Variants in MB21D2 observed in about 807,000 individuals in gnomAD.
The protein encoded by MB21D2 is Mab-21 domain containing 2.
MB21D2 carries 9 observed loss-of-function variants against 33.3 expected under a neutral mutation model. The ratio of observed to expected loss-of-function variants is 0.27; its 90% CI spans 0.16 to 0.47. The LOEUF (loss-of-function observed/expected upper bound fraction) is 0.47. MB21D2 is among the 20% of genes least tolerant of loss of function. MB21D2 has a pLI of 0.99. For synonymous variants in MB21D2, 241 were observed against 236.3 expected (o/e 1.02, Z -0.18); for missense variants, 540 against 624.6 (o/e 0.86, Z 1.44).
chr3:192,847,810 A>T (rs1712706767), intron 1 of MB21D2, among the ~76,000 whole-genome samples: 1 of 152,246 alleles, frequency 6.6e-6, no homozygotes. Context: ...TTTGGACATG[A>T]TCTGAAAAAC....
chr3:192,814,875 A>AC (rs932016060), intron 1 of MB21D2, among the ~76,000 whole-genome samples: 1 of 151,064 alleles, frequency 6.6e-6, no homozygotes, highest in Non-Finnish European at 1.5e-5. Flanking sequence ...AAAAAAAAAA[A>AC]AAAAATTCTT....
intron 1 of MB21D2, among the ~76,000 whole-genome samples, chr3:192,901,546 C>T (rs1714102508): frequency 9.3e-6 from 1 of 107,798 alleles, no homozygotes; most frequent in Admixed American, 9.6e-5. Context: ...AGTTATTTCA[C>T]CCCAACAACA....
chr3:192,915,984 A>G (rs918620803), intron 1 of MB21D2, among the ~76,000 whole-genome samples: 2 of 152,004 alleles, frequency 1.3e-5, no homozygotes, highest in Non-Finnish European at 1.5e-5. Context: ...AAACAACTTA[A>G]GTAACTGCGC....
chr3:192,890,078 A>G (rs1187628574), intron 1 of MB21D2, among the ~76,000 whole-genome samples: 1 of 152,122 alleles, frequency 6.6e-6, no homozygotes, highest in Admixed American at 6.5e-5. Context: ...TTCCCAGAAT[A>G]ACAGAAACAA....
chr3:192,801,594 C>T (rs187017142), intron 1 of MB21D2, among the ~76,000 whole-genome samples: 80 of 152,242 alleles, frequency 5.3e-4, no homozygotes, highest in Non-Finnish European at 7.5e-4. Flanking sequence ...AACCTCAGAG[C>T]GCTTCTTTAC....
intron 1 of MB21D2, among the ~76,000 whole-genome samples, chr3:192,853,191 C>T (rs1007851357): frequency 3.9e-5 from 6 of 152,162 alleles, no homozygotes; most frequent in South Asian, 2.1e-4. Context: ...GTCTTTGAGA[C>T]CAACCACACC....
At chr3:192,836,252 G>A (rs1712436399) in intron 1 of MB21D2, among the ~76,000 whole-genome samples, 1 of 152,054 alleles carries the variant, frequency 6.6e-6, no homozygotes, top group Non-Finnish European at 1.5e-5. Context: ...ATGTCTTTAG[G>A]GAGTTCACTC....
At chr3:192,824,345 A>T (rs1712122439) in intron 1 of MB21D2, among the ~76,000 whole-genome samples, 1 of 152,250 alleles carries the variant, frequency 6.6e-6, no homozygotes, top group South Asian at 2.1e-4. Context: ...GGAAAGTTTA[A>T]AGTTGGAGTT....
rs1411276147 is a variant in MB21D2 at position 192,838,524 on chromosome 3, G to T, written c.212-38874C>A. On this transcript the variant is annotated intron_variant, in intron 1 of 1. Transcript: ENST00000392452. ...GCTCACTGCAAACTCCGCCTCCCGG[G>T]TTCACACCATTCTCCTGCCTCGGCC... is the stretch of plus-strand genomic sequence containing the variant. Among the ~76,000 whole-genome samples, 3 of 151,478 alleles carry T rather than the reference G, an allele frequency of 2.0e-5. No homozygotes were observed. The South Asian group carries it at 6.3e-4, about 32-fold the overall frequency.
intron 1 of MB21D2, among the ~76,000 whole-genome samples, chr3:192,868,435 G>A (rs933407886): frequency 2.6e-5 from 4 of 152,130 alleles, no homozygotes; most frequent in African/African-American, 9.7e-5. Flanking sequence ...TGACTCCTTT[G>A]ATCAAGTCAC....
Position 192,886,505 on chromosome 3 carries a change from T to C in MB21D2, c.211+31125A>G, listed in dbSNP as rs576336265. Among the ~76,000 whole-genome samples the C allele has an allele frequency of 1.6e-4, 25 of 152,252 alleles. No homozygotes were observed. The East Asian group carries it at 4.1e-3, about 25-fold the overall frequency. On this transcript the variant is annotated intron_variant, in intron 1 of 1. Transcript: ENST00000392452. ...ACACTTTGCTACATTTCCTTCGGGC[T>C]TTTGAATAATAATTTAAAAAAGAAA...
intron 1 of MB21D2, among the ~76,000 whole-genome samples, chr3:192,820,617 A>G (rs1248044040): frequency 6.6e-6 from 1 of 152,204 alleles, no homozygotes; most frequent in Non-Finnish European, 1.5e-5. Context: ...GGCCACTCAG[A>G]CTGTGTCAAA....
chr3:192,858,211 G>A (rs1287616342), intron 1 of MB21D2, among the ~76,000 whole-genome samples: 1 of 152,130 alleles, frequency 6.6e-6, no homozygotes, highest in African/African-American at 2.4e-5. Flanking sequence ...ATGTTTTAAT[G>A]CATATATCAT....
intron 1 of MB21D2, among the ~76,000 whole-genome samples, chr3:192,839,358 CTA>C (rs1456257186): frequency 1.3e-5 from 2 of 152,194 alleles, no homozygotes; most frequent in African/African-American, 2.4e-5. Context: ...CTGCTCCAAA[CTA>C]TGTTTTCTTT....
At chr3:192,878,103 G>GTTTTTTTT (rs1296544101) in intron 1 of MB21D2, among the ~76,000 whole-genome samples, 217 of 134,170 alleles carry the variant, frequency 1.6e-3, no homozygotes, top group Non-Finnish European at 2.2e-3. Context: ...TTTTTTTTTG[G>GTTTTTTTT]TTTTTTTTGT....
At chr3:192,909,268 TAAA>T (rs1346070861) in intron 1 of MB21D2, among the ~76,000 whole-genome samples, 1 of 126,876 alleles carries the variant, frequency 7.9e-6, no homozygotes, top group East Asian at 2.2e-4. Context: ...AAAAAAAAAA[TAAA>T]AAATAAAAAA....
chr3:192,813,462 G>A (rs1379503536), intron 1 of MB21D2, among the ~76,000 whole-genome samples: 1 of 152,002 alleles, frequency 6.6e-6, no homozygotes, highest in Non-Finnish European at 1.5e-5. Context: ...AAGACTTCAG[G>A]AGCTCAGAAG....
At position 192,828,329 on chromosome 3, in the gene MB21D2, G is replaced by A. The variant is rs78438837; in HGVS notation, c.212-28679C>T. On this transcript the variant is annotated intron_variant, in intron 1 of 1. Transcript: ENST00000392452. ...GTTTTAAAAAGCCACATACAGTGACGCATGGAGAAATGAAGATCAGCACTT... is the reference window on the plus strand; with the variant it reads ...GTTTTAAAAAGCCACATACAGTGACACATGGAGAAATGAAGATCAGCACTT... 5.9e-3 allele frequency among the ~76,000 whole-genome samples: 896 copies of A among 151,596 alleles called. 8 individuals are homozygous for A. Among genetic ancestry groups the A allele is most frequent in the Admixed American group, 0.011 (165 of 15,204 alleles).
At chr3:192,875,514 T>A (rs1008564784) in intron 1 of MB21D2, among the ~76,000 whole-genome samples, 1 of 152,242 alleles carries the variant, frequency 6.6e-6, no homozygotes, top group Non-Finnish European at 1.5e-5. Flanking sequence ...ATTTTTTAAT[T>A]TTAATTTTTC....
Sources: gnomAD v4.1 joint callset for allele counts (sites outside exome capture counted in the v4.1 genomes callset) on GRCh38, gnomAD v4.1.1 for gene constraint, MANE v1.5 for transcripts, NCBI Gene and HGNC (gene_info 2026-07-23, HGNC 2026-07-21) for gene names.